Variants in TTYH3 observed in about 807,000 individuals in gnomAD.
TTYH3 encodes the protein tweety family member 3.
TTYH3 carries 23 observed loss-of-function variants against 68.2 expected under a neutral mutation model. The ratio of observed to expected loss-of-function variants is 0.34; its 90% confidence interval spans 0.24 to 0.48. TTYH3 has a LOEUF of 0.48. TTYH3 is among the 20% of genes least tolerant of loss of function. The pLI is 0.99. For missense variants in TTYH3, 768 were observed against 727.7 expected (o/e 1.06, Z -0.64); for synonymous variants, 360 against 332.8 (o/e 1.08, Z -0.89).
intron 10 of TTYH3, 97 bp from the exon 11 acceptor site, chr7:2,656,301 G>A (rs530255343): frequency 5.7e-6 from 9 of 1,565,448 alleles, no homozygotes; most frequent in African/African-American, 1.3e-5. Flanking sequence ...CTGCCTCTGG[G>A]GGGCGGTCCA....
At chr7:2,658,637 G>A (rs1025670595) in intron 12 of TTYH3, among the ~76,000 whole-genome samples, 178 bp downstream of exon 12, 1 of 152,230 alleles carries the variant, frequency 6.6e-6, no homozygotes, top group Non-Finnish European at 1.5e-5. Flanking sequence ...CCATGGAGAG[G>A]CCACATGGTC....
At position 2,647,702 on chromosome 7, in the gene TTYH3, T is replaced by G. The variant is rs1786038522; in HGVS notation, c.626+64T>G. On this transcript the variant is annotated intron_variant, in intron 4 of 13. Transcript: ENST00000258796. ...AAAGCATCACCCTCCTTGGGCCAATTTTTGCTCTCAGCACCTAGTACATGA... is the reference window on the plus strand; with the variant it reads ...AAAGCATCACCCTCCTTGGGCCAATGTTTGCTCTCAGCACCTAGTACATGA... 2.0e-6 allele frequency: 3 copies of G among 1,502,404 alleles called. No individual in the cohort carries two copies. In the African/African-American group the frequency reaches 4.2e-5, roughly 21 times the overall value. The allele number at this position is 1,502,404 out of a possible 1,614,324, so 93.1% of individuals were successfully genotyped here.
At chr7:2,637,771 T>A (rs536907488) in intron 1 of TTYH3, among the ~76,000 whole-genome samples, 1 of 152,092 alleles carries the variant, frequency 6.6e-6, no homozygotes, top group Non-Finnish European at 1.5e-5. Context: ...CCTGCCGCTA[T>A]GTTCTGCAGG....
intron 1 of TTYH3, among the ~76,000 whole-genome samples, chr7:2,639,891 T>G (rs1562708095): frequency 6.6e-6 from 1 of 152,042 alleles, no homozygotes; most frequent in Non-Finnish European, 1.5e-5. Flanking sequence ...GGGGGCTGCT[T>G]CTCCTGCCAC....
chr7:2,644,244 C>T (rs1034670287), intron 1 of TTYH3, among the ~76,000 whole-genome samples: 4 of 152,188 alleles, frequency 2.6e-5, no homozygotes, highest in Non-Finnish European at 5.9e-5. Context: ...AGGGTACTGG[C>T]AGGGCCTGCA....
chr7:2,640,833 T>G (rs1245362228), intron 1 of TTYH3, among the ~76,000 whole-genome samples: 2 of 152,180 alleles, frequency 1.3e-5, no homozygotes, highest in South Asian at 2.1e-4. Context: ...GGGCCCTCCC[T>G]TCTCCAAGCA....
At chr7:2,653,324 G>A (rs889734268) in intron 9 of TTYH3, among the ~76,000 whole-genome samples, 5 of 152,148 alleles carry the variant, frequency 3.3e-5, no homozygotes, top group African/African-American at 9.7e-5. Flanking sequence ...TCAGGGCTGG[G>A]ATGACAGACG....
chr7:2,656,036 G>A (rs1786323031), intron 9 of TTYH3, 56 bp from the exon 10 acceptor site: 7 of 1,398,968 alleles, frequency 5.0e-6, no homozygotes, highest in African/African-American at 4.3e-5. Flanking sequence ...GGCGAGGCTG[G>A]CTCGAGGTCC....
chr7:2,640,630 C>T (rs950758379), intron 1 of TTYH3, among the ~76,000 whole-genome samples: 1 of 152,182 alleles, frequency 6.6e-6, no homozygotes, highest in African/African-American at 2.4e-5. Flanking sequence ...CCTGTGCTGG[C>T]GCTGAGCCTG....
intron 10 of TTYH3, 28 bp from the exon 11 acceptor site, chr7:2,656,370 A>T (rs1786334856): frequency 1.3e-6 from 2 of 1,599,094 alleles, no homozygotes; most frequent in Non-Finnish European, 1.7e-6. Context: ...CTGTCTCTGG[A>T]TCCTGCCATC....
Position 2,662,273 on chromosome 7 carries a change from C to T in TTYH3, c.*534C>T, listed in dbSNP as rs561557489. On this transcript the variant is annotated 3_prime_UTR_variant, in exon 14 of 14. Coordinates refer to ENST00000258796, the MANE Select transcript of TTYH3 (RefSeq NM_025250.3). Reference sequence around the variant, plus strand: ...GCCCATCTCTCTGCAGTGCCCTCCTCGCCTGTGCAGCCCGCCCACCCACAG... The same window carrying T: ...GCCCATCTCTCTGCAGTGCCCTCCTTGCCTGTGCAGCCCGCCCACCCACAG... 263 of 173,804 alleles carry T rather than the reference C, an allele frequency of 1.5e-3. 1 individual carries two copies. The highest frequency in any genetic ancestry group is 5.3e-3 in the African/African-American group (219 of 41,688). 10.8% of individuals were successfully genotyped at this position (173,804 alleles called of 1,614,324 possible).
At chr7:2,637,480 A>G (rs1785711138) in intron 1 of TTYH3, among the ~76,000 whole-genome samples, 1 of 152,152 alleles carries the variant, frequency 6.6e-6, no homozygotes, top group African/African-American at 2.4e-5. Context: ...CACGGGTTCC[A>G]GCTGCAGCCC....
At chr7:2,653,591 G>A (rs766804431) in intron 9 of TTYH3, among the ~76,000 whole-genome samples, 14 of 152,190 alleles carry the variant, frequency 9.2e-5, no homozygotes, top group Non-Finnish European at 1.6e-4. Flanking sequence ...GGCCTGGCGC[G>A]GTGGCTCACG....
In TTYH3 at chr7:2,658,942, GCCAGAACGCTAATTT is replaced by G; in HGVS notation, c.1435_1449del (p.Ala479_Asn483del). 6.2e-7 allele frequency: 1 copy of G among 1,614,062 alleles called. No individual in the cohort carries two copies. On this transcript the variant is annotated inframe_deletion, in exon 13 of 14. Coordinates refer to ENST00000258796, the MANE Select transcript of TTYH3 (RefSeq NM_025250.3). ...GCCTCTCTCCCCTCATGCCTCAGGA[GCCAGAACGCTAATTT>G]CCAGAACCCCCGCTGTGAGAACACC...
chr7:2,643,349 T>C lies in TTYH3; in HGVS notation c.124-3504T>C, dbSNP rs865957760. On this transcript the variant is annotated intron_variant, in intron 1 of 13. Coordinates refer to ENST00000258796, the MANE Select transcript of TTYH3 (RefSeq NM_025250.3). ...CAGCCTGGGCGACAGAGCGAGACTCTGTCTCAAAAAAAAAAAAAAAAAAAT... is the reference window on the plus strand; with the variant it reads ...CAGCCTGGGCGACAGAGCGAGACTCCGTCTCAAAAAAAAAAAAAAAAAAAT... Among the ~76,000 whole-genome samples, 220 of 131,424 alleles carry C rather than the reference T, an allele frequency of 1.7e-3. 3 individuals carry two copies. The highest frequency in any genetic ancestry group is 7.4e-3 in the African/African-American group (211 of 28,576). 86.2% of individuals were successfully genotyped at this position (131,424 alleles called of 152,430 possible).
chr7:2,647,751 CA>C (rs901259919), intron 4 of TTYH3, 113 bp downstream of exon 4: 245 of 1,244,492 alleles, frequency 2.0e-4, no homozygotes, highest in Non-Finnish European at 1.1e-5. Flanking sequence ...GGGTGTGGCC[CA>C]GGGCCACTGG....
chr7:2,639,213 C>T (rs569516242), intron 1 of TTYH3, among the ~76,000 whole-genome samples: 147 of 152,322 alleles, frequency 9.7e-4, no homozygotes, highest in Non-Finnish European at 1.7e-3. Context: ...TCCCACCTCT[C>T]GCCTGCCACG....
chr7:2,637,093 G>T (rs1191254619), intron 1 of TTYH3, among the ~76,000 whole-genome samples: 2 of 152,166 alleles, frequency 1.3e-5, no homozygotes, highest in African/African-American at 4.8e-5. Context: ...TCCAGTCTGT[G>T]TGTGCGGGAC....
rs748556495 is a variant in TTYH3, at chr7:2,648,064, G to C, written c.722+10G>C. 3 of 1,605,438 alleles carry C rather than the reference G, an allele frequency of 1.9e-6. No individual in the cohort carries two copies. In the South Asian group the frequency reaches 3.3e-5, roughly 18 times the overall value. On this transcript the variant is annotated intron_variant, in intron 5 of 13. Transcript: ENST00000258796. ...AGGGCATCCTGGTGGGGTGAGTCTG[G>C]GGGTGTCGGCCCCCCGTGGGCCCAA...
Sources: gnomAD v4.1 joint callset for allele counts (sites outside exome capture counted in the v4.1 genomes callset) on GRCh38, gnomAD v4.1.1 for gene constraint, MANE v1.5 for transcripts, NCBI Gene and HGNC (gene_info 2026-07-23, HGNC 2026-07-21) for gene names.